EDDM3B: variants seen among roughly 807,000 people sequenced by gnomAD.
EDDM3B encodes the protein epididymal secretory protein E3-beta.
For synonymous variants in EDDM3B, 71 were observed against 59.1 expected (o/e 1.20, Z -0.92); for missense variants, 189 against 178.3 (o/e 1.06, Z -0.34).
In EDDM3B at chr14:20,770,878, G is replaced by A; in HGVS notation, c.*284G>A. ...TTCTTGATTAACCCAAGACTTTCCT[G>A]ATATTGACTCTCTTGATACATACCC... On this transcript the variant is annotated 3_prime_UTR_variant, in exon 2 of 2. Transcript: ENST00000326783. The A allele has an allele frequency of 1.4e-5, 5 of 345,392 alleles. No homozygotes were observed. Among genetic ancestry groups the A allele is most frequent in the Non-Finnish European group, 2.8e-5 (5 of 178,676 alleles). 21.4% of individuals were successfully genotyped at this position (345,392 alleles called of 1,614,324 possible). A position where few individuals can be genotyped will look rare whatever the true frequency, so the allele number is the denominator to read the frequency against.
In EDDM3B at chr14:20,770,171, C is replaced by A. The variant is rs1878295849; in HGVS notation, c.21C>A (p.Ile7=). The change falls in exon 2 of 2, where the codon ATC becomes ATA. Residue 7 remains isoleucine, a synonymous_variant. Transcript: ENST00000326783. ...CTGAGATGGCATCGTCTCTAAAGAT[C>A]TGGGGCACACTCTTGGCCCTACTTT... MASSLK[I]WGTLLALLCI... The A allele has an allele frequency of 5.6e-6, 9 of 1,612,248 alleles. No individual in the cohort carries two copies. The highest frequency in any genetic ancestry group is 6.8e-6 in the Non-Finnish European group (8 of 1,178,746).
chr14:20,768,465 T>C lies in EDDM3B; in HGVS notation c.-60T>C, dbSNP rs932676731. The stretch of plus-strand genomic sequence containing the variant: ...TCTGCTCTTCAGATCCACACACTGA[T>C]CCCAACTACAACCAGTGACCTGAAC... On this transcript the variant is annotated 5_prime_UTR_variant, in exon 1 of 2. Transcript: ENST00000326783. 4.6e-5 allele frequency: 7 copies of C among 152,182 alleles called. No individual in the cohort carries two copies. Among genetic ancestry groups the C allele is most frequent in the Admixed American group, 6.5e-5 (1 of 15,278 alleles). The allele number at this position is 152,182 out of a possible 1,614,324, so 9.4% of individuals were successfully genotyped here.
At position 20,770,264 on chromosome 14, in the gene EDDM3B, C is replaced by T. The variant is rs750158599; in HGVS notation, c.114C>T (p.Tyr38=). Residue 38 remains tyrosine, a synonymous_variant, in exon 2 of 2, where the codon TAC becomes TAT. Transcript: ENST00000326783. ...VSWREFMKQH[Y]LSPSREFREY... ...GGAGAGAATTCATGAAACAGCACTA[C>T]TTAAGTCCAAGTCGAGAATTCAGAG... 61 of 1,614,064 alleles carry T rather than the reference C, an allele frequency of 3.8e-5. 1 individual carries two copies. In the South Asian group the frequency reaches 6.4e-4, roughly 17 times the overall value.
chr14:20,768,688 C>G (rs1182209760), intron 1 of EDDM3B, among the ~76,000 whole-genome samples, 182 bp downstream of exon 1: 3 of 152,216 alleles, frequency 2.0e-5, no homozygotes, highest in African/African-American at 7.2e-5. Flanking sequence ...CCTTCACCCC[C>G]AGTCTTCTCA....
Position 20,770,211 on chromosome 14 carries a change from C to G in EDDM3B, c.61C>G (p.Leu21Val). 6.2e-7 allele frequency: 1 copy of G among 1,614,164 alleles called. No individual in the cohort carries two copies. The highest frequency in any genetic ancestry group is 8.5e-7 in the Non-Finnish European group (1 of 1,180,034). ...LLALLCILCT[L>V]LVQSKEVSWR... ...GGCCCTACTTTGCATCCTATGCACA[C>G]TGCTTGTACAGAGCAAAGAAGTTTC... Residue 21 changes from leucine (L) to valine (V), a missense_variant, in exon 2 of 2, where the codon CTG becomes GTG. Coordinates refer to ENST00000326783, the MANE Select transcript of EDDM3B (RefSeq NM_022360.5).
At position 20,770,241 on chromosome 14, in the gene EDDM3B, A is replaced by G. The variant is rs372641121; in HGVS notation, c.91A>G (p.Arg31Gly). 1 of 1,614,182 alleles carries G rather than the reference A, an allele frequency of 6.2e-7. No individual in the cohort carries two copies. Reference protein sequence around the residue: ...LLVQSKEVSWREFMKQHYLSP... With the variant: ...LLVQSKEVSWGEFMKQHYLSP... Reference sequence around the variant, plus strand: ...TGTACAGAGCAAAGAAGTTTCTTGGAGAGAATTCATGAAACAGCACTACTT... The same window carrying G: ...TGTACAGAGCAAAGAAGTTTCTTGGGGAGAATTCATGAAACAGCACTACTT... The change falls in exon 2 of 2, where the codon AGA (arginine) becomes GGA (glycine). Residue 31 changes from arginine (R) to glycine (G), a missense_variant. Arg to Gly is a moderately radical substitution (Grantham distance 125, BLOSUM62 -2). Transcript: ENST00000326783.
At chr14:20,769,242 A>T (rs912642093) in intron 1 of EDDM3B, among the ~76,000 whole-genome samples, 3 of 152,178 alleles carry the variant, frequency 2.0e-5, no homozygotes, top group Admixed American at 6.5e-5. Flanking sequence ...TACTAAAAAA[A>T]ATACAAAAAT....
Position 20,770,707 on chromosome 14 carries a change from T to C in EDDM3B, c.*113T>C. ...CCCTCTTGCATTTATTTGTCAATGT[T>C]TTCCAAATACTTAGAGTTATGAATA... On this transcript the variant is annotated 3_prime_UTR_variant, in exon 2 of 2. Coordinates refer to ENST00000326783, the MANE Select transcript of EDDM3B (RefSeq NM_022360.5). 1.2e-6 allele frequency: 1 copy of C among 847,218 alleles called. No homozygotes were observed. Among genetic ancestry groups the C allele is most frequent in the East Asian group, 2.6e-5 (1 of 37,910 alleles). The allele number at this position is 847,218 out of a possible 1,614,324, so 52.5% of individuals were successfully genotyped here.
At position 20,770,293 on chromosome 14, in the gene EDDM3B, A is replaced by G. The variant is rs1878301441; in HGVS notation, c.143A>G (p.Tyr48Cys). 1 of 1,614,214 alleles carries G rather than the reference A, an allele frequency of 6.2e-7. No individual in the cohort carries two copies. Among genetic ancestry groups the G allele is most frequent in the Non-Finnish European group, 8.5e-7 (1 of 1,180,034 alleles). ...YLSPSREFRE[Y>C]KCDVLMRENE... ...AGTCCAAGTCGAGAATTCAGAGAGT[A>G]CAAATGTGATGTCCTCATGAGAGAA... The change falls in exon 2 of 2, where the codon TAC becomes TGC. Residue 48 changes from tyrosine (Y) to cysteine (C), a missense_variant. Transcript: ENST00000326783.
rs560839911 is a variant in EDDM3B at position 20,770,558 on chromosome 14, A to G, written c.408A>G (p.Ile136Met). 6.2e-7 allele frequency: 1 copy of G among 1,614,000 alleles called. No individual in the cohort carries two copies. Among genetic ancestry groups the G allele is most frequent in the East Asian group, 2.2e-5 (1 of 44,872 alleles). ...GCATGGACGGGTATGTTGATAGCAT[A>G]GAAGACCTAAAGATGGTAGAACCTA... ...HCSMDGYVDS[I>M]EDLKMVEPIG... The change falls in exon 2 of 2, where the codon ATA (isoleucine) becomes ATG (methionine). Residue 136 changes from isoleucine to methionine, a missense_variant. Transcript: ENST00000326783.
intron 1 of EDDM3B, among the ~76,000 whole-genome samples, 178 bp downstream of exon 1, chr14:20,768,684 C>A (rs1448705546): frequency 6.6e-6 from 1 of 152,212 alleles, no homozygotes; most frequent in Non-Finnish European, 1.5e-5. Flanking sequence ...CCTTCCTTCA[C>A]CCCCAGTCTT....
rs1264739760 is a variant in EDDM3B at position 20,768,466 on chromosome 14, C to T, written c.-59C>T. On this transcript the variant is annotated 5_prime_UTR_variant, in exon 1 of 2. Transcript: ENST00000326783. ...CTGCTCTTCAGATCCACACACTGAT[C>T]CCAACTACAACCAGTGACCTGAACT... The T allele has an allele frequency of 6.6e-6, 1 of 152,270 alleles. No homozygotes were observed. Among genetic ancestry groups the T allele is most frequent in the Non-Finnish European group, 1.5e-5 (1 of 68,110 alleles). The allele number at this position is 152,270 out of a possible 1,614,324, so 9.4% of individuals were successfully genotyped here.
In EDDM3B at chr14:20,769,934, C is replaced by T. The variant is rs200125801; in HGVS notation, c.-18-199C>T. 4.8e-4 allele frequency among the ~76,000 whole-genome samples: 73 copies of T among 152,208 alleles called. 1 individual carries two copies. In the East Asian group the frequency reaches 9.7e-3, roughly 20 times the overall value. On this transcript the variant is annotated intron_variant, in intron 1 of 1. Transcript: ENST00000326783. ...ATCTATTTTTTCTAATTATGTGTTTCGCTTACACAGGCTGAAGCGTGTTTT... is the reference window on the plus strand; with the variant it reads ...ATCTATTTTTTCTAATTATGTGTTTTGCTTACACAGGCTGAAGCGTGTTTT...
At chr14:20,769,235 TA>T (rs916477615) in intron 1 of EDDM3B, among the ~76,000 whole-genome samples, 8 of 151,856 alleles carry the variant, frequency 5.3e-5, no homozygotes, top group Admixed American at 4.6e-4. Context: ...TTGTCTCTAC[TA>T]AAAAAAATAC....
chr14:20,770,080 C>A (rs1878291433), intron 1 of EDDM3B, 53 bp from the exon 2 acceptor site: 2 of 1,441,574 alleles, frequency 1.4e-6, no homozygotes, highest in Non-Finnish European at 1.9e-6. Context: ...GAGTTCAGCT[C>A]TCTGGGCATT....
rs1878318172 is a variant in EDDM3B at position 20,770,646 on chromosome 14, T to A, written c.*52T>A. 7.0e-7 allele frequency: 1 copy of A among 1,430,484 alleles called. No homozygotes were observed. Among genetic ancestry groups the A allele is most frequent in the African/African-American group, 1.4e-5 (1 of 69,938 alleles). 88.6% of individuals were successfully genotyped at this position (1,430,484 alleles called of 1,614,324 possible). A position where few individuals can be genotyped will look rare whatever the true frequency, so the allele number is the denominator to read the frequency against. On this transcript the variant is annotated 3_prime_UTR_variant, in exon 2 of 2. Transcript: ENST00000326783. ...GGTAGAGTATTCAGTGCTTTCTAAG[T>A]AGCAGCCCCTGCCTCCATCAATAGT...
Position 20,770,789 on chromosome 14 carries a change from T to G in EDDM3B, c.*195T>G. 1.8e-6 allele frequency: 1 copy of G among 562,560 alleles called. No individual in the cohort carries two copies. The highest frequency in any genetic ancestry group is 3.2e-6 in the Non-Finnish European group (1 of 314,636). 34.8% of individuals were successfully genotyped at this position (562,560 alleles called of 1,614,324 possible). The stretch of plus-strand genomic sequence containing the variant: ...TGTTGTTTCTCTGCCTGGAATACAC[T>G]TTTGTCTTCATTTACCTAATTTACT... On this transcript the variant is annotated 3_prime_UTR_variant, in exon 2 of 2. Transcript: ENST00000326783.
chr14:20,770,370 T>C lies in EDDM3B; in HGVS notation c.220T>C (p.Tyr74His), dbSNP rs761082155. 2 of 1,614,190 alleles carry C rather than the reference T, an allele frequency of 1.2e-6. No homozygotes were observed. The highest frequency in any genetic ancestry group is 1.7e-6 in the Non-Finnish European group (2 of 1,180,034). The part of the protein sequence containing the change: ...SSHMFIYISW[Y>H]KIEHICTSDN... ...TCACATGTTTATCTATATCTCATGG[T>C]ACAAAATCGAGCATATATGCACTAG... The change falls in exon 2 of 2, where the codon TAC becomes CAC. Residue 74 changes from tyrosine (Y) to histidine (H), a missense_variant. Physicochemically the swap from Tyr to His is moderately conservative, Grantham distance 83. Transcript: ENST00000326783.
In EDDM3B at chr14:20,770,128, C is replaced by T. The variant is rs182799740; in HGVS notation, c.-18-5C>T. 7.6e-5 allele frequency: 120 copies of T among 1,582,752 alleles called. 1 individual carries two copies. Among genetic ancestry groups the T allele is most frequent in the Middle Eastern group, 6.8e-4 (4 of 5,892 alleles). On this transcript the variant is annotated splice_region_variant and splice_polypyrimidine_tract_variant and intron_variant, in intron 1 of 1. Coordinates refer to ENST00000326783, the MANE Select transcript of EDDM3B (RefSeq NM_022360.5). ...CTTTTCTTTCTCTTCTCTGTGGACACGCAGGCGGCCCCGGTGACTGAGATG... is the reference window on the plus strand; with the variant it reads ...CTTTTCTTTCTCTTCTCTGTGGACATGCAGGCGGCCCCGGTGACTGAGATG...
Sources: allele counts gnomAD v4.1 joint callset (sites outside exome capture counted in the v4.1 genomes callset), GRCh38; gene constraint gnomAD v4.1.1; transcripts MANE v1.5; gene names NCBI Gene and HGNC (gene_info 2026-07-23, HGNC 2026-07-21).